The following OXCT1 variants were observed in gnomAD, a reference collection of about 807,000 sequenced individuals.
The protein encoded by OXCT1 is succinyl-CoA:3-ketoacid coenzyme A transferase 1, mitochondrial.
In OXCT1, 27 loss-of-function variants were observed where a neutral mutation model predicts 69.6. That is an observed-to-expected ratio of 0.39 (90% confidence interval 0.29 to 0.54). OXCT1 has a LOEUF of 0.54. Among genes scored for constraint, OXCT1 ranks in the 20% least tolerant of loss-of-function variants. The pLI, the probability that OXCT1 is intolerant of heterozygous loss-of-function variation, is 0.72. For missense variants in OXCT1, 437 were observed against 650.2 expected (o/e 0.67, Z 3.57); for synonymous variants, 202 against 217.8 (o/e 0.93, Z 0.64).
At chr5:41,813,269 T>C (rs1406273661) in intron 7 of OXCT1, among the ~76,000 whole-genome samples, 2 of 151,716 alleles carry the variant, frequency 1.3e-5, no homozygotes, top group Non-Finnish European at 2.9e-5. Flanking sequence ...ACAGAAAAGG[T>C]GTATGCTCTG....
intron 3 of OXCT1, among the ~76,000 whole-genome samples, chr5:41,858,290 A>G (rs982946587): frequency 3.9e-5 from 6 of 152,184 alleles, no homozygotes; most frequent in African/African-American, 1.4e-4. Context: ...ATTATCAGAC[A>G]TTGATGATAA....
chr5:41,850,144 A>G lies in OXCT1; in HGVS notation c.450T>C (p.Ala150=). The G allele has an allele frequency of 1.9e-6, 3 of 1,613,824 alleles. No individual in the cohort carries two copies. The highest frequency in any genetic ancestry group is 1.7e-6 in the Non-Finnish European group (2 of 1,179,860). ...TTGGGGTGTAAAATGCAGGAACTCCAGCCCCGCCTGCACGGATCCTCTCTG... is the reference window on the plus strand; with the variant it reads ...TTGGGGTGTAAAATGCAGGAACTCCGGCCCCGCCTGCACGGATCCTCTCTG... ...TLAERIRAGG[A]GVPAFYTPTG... The change falls in exon 5 of 17, where the codon GCT becomes GCC. Residue 150 remains alanine (A), a synonymous_variant. Coordinates refer to ENST00000196371, the MANE Select transcript of OXCT1 (RefSeq NM_000436.4).
chr5:41,779,630 C>T (rs1459374768), intron 13 of OXCT1, among the ~76,000 whole-genome samples: 1 of 151,822 alleles, frequency 6.6e-6, no homozygotes, highest in Non-Finnish European at 1.5e-5. Context: ...AGAACTAACA[C>T]ACAAAGAAAG....
chr5:41,864,500 AT>A (rs1466576345), intron 1 of OXCT1, among the ~76,000 whole-genome samples: 1 of 152,214 alleles, frequency 6.6e-6, no homozygotes, highest in East Asian at 1.9e-4. Flanking sequence ...TTAAACATAT[AT>A]TTTTTAATAT....
chr5:41,853,424 G>C lies in OXCT1; in HGVS notation c.409C>G (p.Pro137Ala). Reference protein sequence around the residue: ...LSGELEVELTPQGTLAERIRA... With the variant: ...LSGELEVELTAQGTLAERIRA... ...AGAAAAGCAAATTTTCTCACCTGTGGTGTCAGCTCCACTTCTAATTCACCA... is the reference window on the plus strand; with the variant it reads ...AGAAAAGCAAATTTTCTCACCTGTGCTGTCAGCTCCACTTCTAATTCACCA... The change falls in exon 4 of 17, where the codon CCA (proline) becomes GCA (alanine). Residue 137 changes from proline to alanine, a missense_variant. Physicochemically the swap from Pro to Ala is conservative, Grantham distance 27. Transcript: ENST00000196371. 1 of 1,613,556 alleles carries C rather than the reference G, an allele frequency of 6.2e-7. No homozygotes were observed.
At chr5:41,856,656 CCTAG>C (rs1749443650) in intron 3 of OXCT1, among the ~76,000 whole-genome samples, 2 of 152,106 alleles carry the variant, frequency 1.3e-5, no homozygotes, top group Admixed American at 1.3e-4. Flanking sequence ...GTTTTGCACC[CCTAG>C]CCTTCAAATG....
intron 8 of OXCT1, among the ~76,000 whole-genome samples, chr5:41,806,091 A>G (rs895575452): frequency 6.6e-6 from 1 of 152,024 alleles, no homozygotes; most frequent in Non-Finnish European, 1.5e-5. Context: ...GCTGCTGCCA[A>G]TTGCCTGTTT....
In OXCT1 at chr5:41,870,343, G is replaced by A. The variant is rs929460800; in HGVS notation, c.16C>T (p.Leu6Phe). The A allele has an allele frequency of 1.2e-5, 20 of 1,613,520 alleles. No homozygotes were observed. The highest frequency in any genetic ancestry group is 3.3e-5 in the Admixed American group (2 of 60,008). MAALK[L>F]LSSGLRLCAS... ...CAGAGCCGAAGCCCGGAGGAGAGGAGTTTGAGAGCCGCCATCTTCGGGCGG... is the reference window on the plus strand; with the variant it reads ...CAGAGCCGAAGCCCGGAGGAGAGGAATTTGAGAGCCGCCATCTTCGGGCGG... Residue 6 changes from leucine to phenylalanine, a missense_variant, in exon 1 of 17, where the codon CTC becomes TTC. Leu to Phe is a conservative substitution (Grantham distance 22). This residue lies in a region of OXCT1 where 79 missense variants were observed against 61.5 expected (regional missense o/e 1.28). Coordinates refer to ENST00000196371, the MANE Select transcript of OXCT1 (RefSeq NM_000436.4). The surrounding 1 kb of genome is among the most constrained non-coding windows in gnomAD (Gnocchi z 4.2).
intron 15 of OXCT1, among the ~76,000 whole-genome samples, chr5:41,741,242 G>A (rs1743150726): frequency 6.6e-6 from 1 of 152,132 alleles, no homozygotes; most frequent in South Asian, 2.1e-4. Flanking sequence ...ACAGGAGTGA[G>A]CCACCGCTTA....
chr5:41,846,918 T>C (rs1201650954), intron 5 of OXCT1, among the ~76,000 whole-genome samples: 1 of 152,232 alleles, frequency 6.6e-6, no homozygotes, highest in Non-Finnish European at 1.5e-5. Context: ...TTTGGCTGCA[T>C]AAATGTCTTC....
chr5:41,843,548 G>C (rs1561122785), intron 5 of OXCT1: 1 of 456,016 alleles, frequency 2.2e-6, no homozygotes, highest in Non-Finnish European at 4.4e-6. Flanking sequence ...ATTTTGGAGG[G>C]AAGAACATAA....
At chr5:41,854,483 G>A (rs957856343) in intron 3 of OXCT1, among the ~76,000 whole-genome samples, 4 of 152,062 alleles carry the variant, frequency 2.6e-5, no homozygotes, top group Admixed American at 2.0e-4. Context: ...CTTAAAGACT[G>A]AAGATCATCT....
chr5:41,799,275 C>T (rs999843170), intron 11 of OXCT1, among the ~76,000 whole-genome samples: 10 of 152,218 alleles, frequency 6.6e-5, no homozygotes, highest in African/African-American at 2.4e-4. Flanking sequence ...AATTTATATT[C>T]TAGGCTCTCC....
intron 3 of OXCT1, among the ~76,000 whole-genome samples, chr5:41,859,463 G>A (rs189030911): frequency 4.0e-4 from 61 of 152,266 alleles, no homozygotes; most frequent in African/African-American, 1.4e-3. Flanking sequence ...GTGGGTGGAA[G>A]ACAAACAGAA....
At chr5:41,768,680 T>A (rs544405427) in intron 13 of OXCT1, among the ~76,000 whole-genome samples, 1 of 152,282 alleles carries the variant, frequency 6.6e-6, no homozygotes, top group South Asian at 2.1e-4. Flanking sequence ...CCTTTTCTCA[T>A]CCTAGCTAAG....
At chr5:41,794,921 A>ACAAAAGTAGGAACC (rs1746105880) in intron 11 of OXCT1, among the ~76,000 whole-genome samples, 172 bp from the exon 12 acceptor site, 1 of 152,170 alleles carries the variant, frequency 6.6e-6, no homozygotes. Flanking sequence ...GGTGGAAAGC[A>ACAAAAGTAGGAACC]TTTTGTCACT....
intron 14 of OXCT1, among the ~76,000 whole-genome samples, chr5:41,750,135 G>GTTTTTTTTTTTTTTTTTTTTTTTTTT (rs11291155): frequency 4.1e-5 from 3 of 73,924 alleles, no homozygotes; most frequent in African/African-American, 1.6e-4. Flanking sequence ...GTGTTTTTTG[G>GTTTTTTTTTTTTTTTTTTTTTTTTTT]TTTTTTTTTT....
chr5:41,733,908 A>G (rs1258139971), intron 16 of OXCT1, among the ~76,000 whole-genome samples: 2 of 152,242 alleles, frequency 1.3e-5, no homozygotes, highest in East Asian at 3.8e-4. Context: ...TGATTTAGCT[A>G]TAGAAGACAA....
At chr5:41,865,979 G>A (rs1749948316) in intron 1 of OXCT1, among the ~76,000 whole-genome samples, 1 of 147,584 alleles carries the variant, frequency 6.8e-6, no homozygotes, top group Admixed American at 6.9e-5. Context: ...GGTAACAAAT[G>A]TATATATTTA....
Sources: allele counts gnomAD v4.1 joint callset (sites outside exome capture counted in the v4.1 genomes callset), GRCh38; gene constraint gnomAD v4.1.1; regional missense constraint gnomAD v4.1.1; non-coding constraint Gnocchi (gnomAD v3.1); transcripts MANE v1.5; gene names NCBI Gene and HGNC (gene_info 2026-07-23, HGNC 2026-07-21).